LOC128462377: variants seen among roughly 807,000 people sequenced by gnomAD.
At chr16:89,375,866 C>G in the LOC128462377 span, among the ~76,000 whole-genome samples, 2 of 151,180 alleles carry the variant, frequency 1.3e-5, no homozygotes, top group Non-Finnish European at 2.9e-5. Flanking sequence ...CAGACCCACA[C>G]AAAGTGCCAC....
the LOC128462377 span, among the ~76,000 whole-genome samples, chr16:89,322,176 GTT>G: frequency 1.3e-5 from 2 of 152,178 alleles, no homozygotes; most frequent in African/African-American, 4.8e-5. Context: ...CCCCTGTATT[GTT>G]CAAGGGTTTG....
the LOC128462377 span, among the ~76,000 whole-genome samples, chr16:89,335,952 G>A: frequency 1.9e-4 from 29 of 152,198 alleles, no homozygotes; most frequent in Non-Finnish European, 3.8e-4. Flanking sequence ...AAACATGACC[G>A]TGCAACATGC....
the LOC128462377 span, among the ~76,000 whole-genome samples, chr16:89,378,211 C>T: frequency 6.6e-6 from 1 of 152,096 alleles, no homozygotes; most frequent in Non-Finnish European, 1.5e-5. Context: ...AAAAAAAGTG[C>T]TTTGTATATG....
chr16:89,370,548 G>T, the LOC128462377 span: 2 of 152,382 alleles, frequency 1.3e-5, no homozygotes, highest in African/African-American at 4.8e-5. Context: ...CCTGCTGATG[G>T]AAACAGCCCA....
At chr16:89,332,294 A>C in the LOC128462377 span, among the ~76,000 whole-genome samples, 1 of 152,194 alleles carries the variant, frequency 6.6e-6, no homozygotes, top group Non-Finnish European at 1.5e-5. Context: ...CTCATGAGAA[A>C]CACCTGGTGA....
the LOC128462377 span, among the ~76,000 whole-genome samples, chr16:89,412,895 A>C: frequency 1.3e-5 from 2 of 152,200 alleles, no homozygotes; most frequent in Non-Finnish European, 2.9e-5. Flanking sequence ...CAGAGGACAG[A>C]GGACAGCAGA....
At chr16:89,343,521 G>C in the LOC128462377 span, among the ~76,000 whole-genome samples, 2 of 152,168 alleles carry the variant, frequency 1.3e-5, no homozygotes, top group South Asian at 4.1e-4. Context: ...AAATGAGACA[G>C]AGCTCGAGGT....
chr16:89,380,606 C>T, the LOC128462377 span, among the ~76,000 whole-genome samples: 3 of 152,164 alleles, frequency 2.0e-5, no homozygotes. Context: ...TGTGTAATGC[C>T]AAACAGGTCT....
chr16:89,379,586 C>A, the LOC128462377 span, among the ~76,000 whole-genome samples: 1 of 152,226 alleles, frequency 6.6e-6, no homozygotes, highest in Non-Finnish European at 1.5e-5. Context: ...TCAAGTGACA[C>A]TTCTGCCTCA....
chr16:89,321,810 T>G, the LOC128462377 span, among the ~76,000 whole-genome samples: 1 of 152,116 alleles, frequency 6.6e-6, no homozygotes, highest in Non-Finnish European at 1.5e-5. Flanking sequence ...CTGCGTGGGT[T>G]CACTTACACG....
the LOC128462377 span, among the ~76,000 whole-genome samples, chr16:89,317,402 G>C: frequency 7.4e-3 from 1,130 of 152,296 alleles, 55 homozygotes; most frequent in Admixed American, 0.066. Flanking sequence ...GGTCCCACCT[G>C]GTACAGGCTA....
At chr16:89,351,246 A>G in the LOC128462377 span, among the ~76,000 whole-genome samples, 6 of 152,156 alleles carry the variant, frequency 3.9e-5, no homozygotes, top group Admixed American at 3.9e-4. Context: ...CAAAGAATGA[A>G]ATTGAATGCC....
chr16:89,338,332 AG>A, the LOC128462377 span, among the ~76,000 whole-genome samples: 2 of 151,770 alleles, frequency 1.3e-5, no homozygotes, highest in African/African-American at 4.8e-5. Context: ...ACCTGCTTAC[AG>A]GGGTGCTGAC....
the LOC128462377 span, chr16:89,325,152 C>T: frequency 1.3e-5 from 2 of 152,686 alleles, no homozygotes; most frequent in African/African-American, 4.8e-5. Context: ...TGAAGTGCTT[C>T]ATAGCAGTGG....
chr16:89,322,709 G>A, the LOC128462377 span, among the ~76,000 whole-genome samples: 2 of 152,262 alleles, frequency 1.3e-5, no homozygotes, highest in African/African-American at 4.8e-5. Context: ...AGGAGGAGCT[G>A]GAAGCAGCAG....
At chr16:89,351,958 T>A in the LOC128462377 span, among the ~76,000 whole-genome samples, 1 of 152,226 alleles carries the variant, frequency 6.6e-6, no homozygotes, top group Non-Finnish European at 1.5e-5. Flanking sequence ...TCGCCCAGGA[T>A]GGAGTGCAGT....
the LOC128462377 span, among the ~76,000 whole-genome samples, chr16:89,415,261 C>CTT: frequency 8.3e-4 from 70 of 84,518 alleles, 2 homozygotes; most frequent in South Asian, 2.1e-3. Context: ...GCCAGCTATT[C>CTT]TTTTTTTTTT....
the LOC128462377 span, chr16:89,395,672 G>A: frequency 3.3e-5 from 5 of 152,358 alleles, no homozygotes; most frequent in African/African-American, 1.2e-4. Context: ...TGTTTGAAAA[G>A]TTGTCAATAA....
the LOC128462377 span, among the ~76,000 whole-genome samples, chr16:89,401,587 A>T: frequency 1.3e-4 from 20 of 152,078 alleles, no homozygotes; most frequent in African/African-American, 4.8e-4. Flanking sequence ...TCTATGCTTT[A>T]TTTACTGGTG....
Sources: allele counts gnomAD v4.1 joint callset (sites outside exome capture counted in the v4.1 genomes callset), GRCh38; gene constraint gnomAD v4.1.1; transcripts MANE v1.5.